The following GNG5 variants were observed in gnomAD, a reference collection of about 807,000 sequenced individuals.
GNG5 encodes the protein guanine nucleotide-binding protein G(I)/G(S)/G(O) subunit gamma-5.
A neutral mutation model predicts 6.2 loss-of-function variants in GNG5; 2 were observed. The observed-to-expected ratio is 0.32, with a 90% CI of 0.13 to 1.01. The LOEUF is 1.01. Among genes scored for constraint, GNG5 ranks in the 50% least tolerant of loss-of-function variants. The pLI is 0.48. For synonymous variants in GNG5, 24 were observed against 33.0 expected (o/e 0.73, Z 0.93); for missense variants, 57 against 80.2 (o/e 0.71, Z 1.10).
chr1:84,502,469 T>G (rs962637264), intron 2 of GNG5, among the ~76,000 whole-genome samples: 2 of 152,242 alleles, frequency 1.3e-5, no homozygotes, highest in African/African-American at 2.4e-5. Context: ...TGCTTGCAAA[T>G]AAGACTGATT....
rs900197009 is a variant in GNG5, at chr1:84,498,423, T to TTAA, written c.*142_*144dup. On this transcript the variant is annotated 3_prime_UTR_variant, in exon 4 of 4. Transcript: ENST00000370645. ...TCATGAAAATTCAGAGAGGTAGATG[T>TTAA]TAAGGACTGACGAAAGTAGAAGTTT... The TTAA allele has an allele frequency of 1.3e-5, 2 of 152,730 alleles. No homozygotes were observed. Among genetic ancestry groups the TTAA allele is most frequent in the African/African-American group, 4.8e-5 (2 of 41,446 alleles). 9.5% of individuals were successfully genotyped at this position (152,730 alleles called of 1,614,324 possible).
At position 84,506,030 on chromosome 1, in the gene GNG5, G is replaced by A. The variant is rs753374010; in HGVS notation, c.62C>T (p.Ala21Val). 12 of 1,568,944 alleles carry A rather than the reference G, an allele frequency of 7.6e-6. No homozygotes were observed. The Admixed American group carries it at 1.7e-4, about 22-fold the overall frequency. ...KKVVQQLRLE[A>V]GLNRVKVSQA... Reference sequence around the variant, plus strand: ...GCTCACTTTTACGCGGTTGAGTCCGGCCTCCAGCCGGAGCTGTTGAACCAC... The same window carrying A: ...GCTCACTTTTACGCGGTTGAGTCCGACCTCCAGCCGGAGCTGTTGAACCAC... The change falls in exon 2 of 4, where the codon GCC (alanine) becomes GTC (valine). Residue 21 changes from alanine (A) to valine (V), a missense_variant. By Grantham distance (64) the Ala-to-Val change is moderately conservative. Coordinates refer to ENST00000370645, the MANE Select transcript of GNG5 (RefSeq NM_005274.3).
intron 2 of GNG5, among the ~76,000 whole-genome samples, 192 bp downstream of exon 2, chr1:84,505,819 C>A (rs1045641820): frequency 6.6e-5 from 10 of 152,226 alleles, no homozygotes; most frequent in Non-Finnish European, 1.5e-5. Flanking sequence ...AATCGTCCCC[C>A]TAAAACACAG....
At chr1:84,501,483 AC>A (rs1424406400) in intron 3 of GNG5, among the ~76,000 whole-genome samples, 2 of 148,410 alleles carry the variant, frequency 1.3e-5, no homozygotes, top group East Asian at 3.9e-4. Context: ...TGCCAGGTAC[AC>A]AAAAACAAAA....
chr1:84,505,721 G>C (rs1295162936), intron 2 of GNG5, among the ~76,000 whole-genome samples: 3 of 152,218 alleles, frequency 2.0e-5, no homozygotes, highest in Non-Finnish European at 4.4e-5. Context: ...GCCAAGGGAG[G>C]TAGAGACGGA....
At chr1:84,501,098 G>A (rs989280569) in intron 3 of GNG5, among the ~76,000 whole-genome samples, 1 of 152,072 alleles carries the variant, frequency 6.6e-6, no homozygotes, top group African/African-American at 2.4e-5. Context: ...TGATCTGGAA[G>A]GCACAAATTA....
chr1:84,500,390 A>G (rs1261513343), intron 3 of GNG5, among the ~76,000 whole-genome samples: 2 of 152,216 alleles, frequency 1.3e-5, no homozygotes, highest in Non-Finnish European at 1.5e-5. Flanking sequence ...ACCCCCAGCC[A>G]TATTTTTAAA....
At position 84,506,477 on chromosome 1, in the gene GNG5, G is replaced by T. The variant is rs138002234; in HGVS notation, c.-252C>A. 1.6e-3 allele frequency: 254 copies of T among 158,078 alleles called. 1 individual carries two copies. Among genetic ancestry groups the T allele is most frequent in the Middle Eastern group, 3.2e-3 (1 of 312 alleles). The allele number at this position is 158,078 out of a possible 1,614,324, so 9.8% of individuals were successfully genotyped here. ...CTAAGAGGGGGTCTGAAGAGGACCA[G>T]GGAGGGAAGGCAGAGCTTGTGGGAG... is the stretch of plus-strand genomic sequence containing the variant. On this transcript the variant is annotated 5_prime_UTR_variant, in exon 1 of 4. The change creates a new upstream start codon in the 5' untranslated region. Transcript: ENST00000370645.
intron 2 of GNG5, among the ~76,000 whole-genome samples, chr1:84,502,376 C>T (rs143376581): frequency 0.028 from 4,204 of 152,116 alleles, 76 homozygotes; most frequent in Non-Finnish European, 0.039. Flanking sequence ...TCGTGATCCG[C>T]CCACCTCGGC....
Position 84,506,117 on chromosome 1 carries a change from CG to C in GNG5, c.-27del. 1 of 1,567,084 alleles carries C rather than the reference CG, an allele frequency of 6.4e-7. No homozygotes were observed. The highest frequency in any genetic ancestry group is 1.2e-5 in the South Asian group (1 of 86,508). ...GGTGCACGCGACGGCCGGGCCGATT[CG>C]TGGGTCGGTGGGTCGTGGGCCGTGG... On this transcript the variant is annotated 5_prime_UTR_variant, in exon 2 of 4. Transcript: ENST00000370645.
chr1:84,500,562 C>G (rs1682037223), intron 3 of GNG5, among the ~76,000 whole-genome samples: 1 of 152,050 alleles, frequency 6.6e-6, no homozygotes. Context: ...TATGAAACTT[C>G]CAAAAACTAC....
chr1:84,504,549 A>AT (rs796828827), intron 2 of GNG5, among the ~76,000 whole-genome samples: 56 of 150,822 alleles, frequency 3.7e-4, no homozygotes, highest in Non-Finnish European at 4.3e-4. Context: ...TCCCACCCCC[A>AT]TTTTTTTTTC....
At chr1:84,499,895 C>G (rs1226343055) in intron 3 of GNG5, among the ~76,000 whole-genome samples, 1 of 152,108 alleles carries the variant, frequency 6.6e-6, no homozygotes, top group Non-Finnish European at 1.5e-5. Flanking sequence ...GTGGGCAGAT[C>G]ACCTGAGGTC....
At chr1:84,504,672 T>C (rs1488633460) in intron 2 of GNG5, among the ~76,000 whole-genome samples, 2 of 152,140 alleles carry the variant, frequency 1.3e-5, no homozygotes, top group Admixed American at 6.5e-5. Flanking sequence ...GAAACCACTG[T>C]GATGAGGTAA....
intron 2 of GNG5, 49 bp downstream of exon 2, chr1:84,505,962 A>C (rs890513707): frequency 3.4e-6 from 4 of 1,173,666 alleles, no homozygotes; most frequent in Non-Finnish European, 3.5e-6. Flanking sequence ...GCCGGATCCC[A>C]CCCGCCGCCG....
At chr1:84,500,519 G>A (rs558439666) in intron 3 of GNG5, among the ~76,000 whole-genome samples, 1 of 151,856 alleles carries the variant, frequency 6.6e-6, no homozygotes, top group South Asian at 2.1e-4. Flanking sequence ...AAGAACTGAG[G>A]TTAAAAAAAC....
At chr1:84,501,718 G>T in intron 3 of GNG5, 108 bp downstream of exon 3, 1 of 665,382 alleles carries the variant, frequency 1.5e-6, no homozygotes, top group Non-Finnish European at 2.6e-6. Context: ...TACTGGAAAT[G>T]GAGGGCCAAA....
Position 84,506,084 on chromosome 1 carries a change from C to G in GNG5, c.8G>C (p.Gly3Ala), listed in dbSNP as rs757561961. The stretch of plus-strand genomic sequence containing the variant: ...CTTCATAGCGGCGACGCTGGAGGAG[C>G]CAGACATGGTGCACGCGACGGCCGG... MS[G>A]SSSVAAMKKV... The change falls in exon 2 of 4, where the codon GGC becomes GCC. Residue 3 changes from glycine to alanine, a missense_variant. Coordinates refer to ENST00000370645, the MANE Select transcript of GNG5 (RefSeq NM_005274.3). 3 of 1,576,278 alleles carry G rather than the reference C, an allele frequency of 1.9e-6. No individual in the cohort carries two copies. Among genetic ancestry groups the G allele is most frequent in the Admixed American group, 3.6e-5 (2 of 55,526 alleles).
chr1:84,506,133 G>T lies in GNG5; in HGVS notation c.-42C>A, dbSNP rs902693893. The T allele has an allele frequency of 6.6e-7, 1 of 1,525,658 alleles. No homozygotes were observed. Among genetic ancestry groups the T allele is most frequent in the Non-Finnish European group, 8.9e-7 (1 of 1,126,588 alleles). 94.5% of individuals were successfully genotyped at this position (1,525,658 alleles called of 1,614,324 possible). A position where few individuals can be genotyped will look rare whatever the true frequency, so the allele number is the denominator to read the frequency against. ...GGGCCGATTCGTGGGTCGGTGGGTC[G>T]TGGGCCGTGGGTCGGCGGGGCCAGA... On this transcript the variant is annotated 5_prime_UTR_variant, in exon 2 of 4. Coordinates refer to ENST00000370645, the MANE Select transcript of GNG5 (RefSeq NM_005274.3).
Sources: allele counts gnomAD v4.1 joint callset (sites outside exome capture counted in the v4.1 genomes callset), GRCh38; gene constraint gnomAD v4.1.1; transcripts MANE v1.5; gene names NCBI Gene and HGNC (gene_info 2026-07-23, HGNC 2026-07-21).